The following IGSF11 variants were observed in gnomAD, a reference collection of about 807,000 sequenced individuals.
IGSF11 encodes the protein immunoglobulin superfamily member 11, also known as CXADR like 1.
IGSF11 carries 22 observed loss-of-function variants against 41.0 expected under a neutral mutation model. That is an observed-to-expected ratio of 0.54 (90% CI 0.38 to 0.77). The LOEUF is 0.77. Ranked by LOEUF, IGSF11 falls within the 30% of genes least tolerant of loss-of-function variation. IGSF11 has a pLI of 0.00. For synonymous variants in IGSF11, 219 were observed against 201.3 expected (o/e 1.09, Z -0.74); for missense variants, 444 against 530.8 (o/e 0.84, Z 1.61).
At chr3:118,964,645 G>A (rs1247712369) in intron 1 of IGSF11, among the ~76,000 whole-genome samples, 1 of 152,056 alleles carries the variant, frequency 6.6e-6, no homozygotes, top group African/African-American at 2.4e-5. Context: ...AATGAAAATT[G>A]TTTTAAATTC....
intron 1 of IGSF11, among the ~76,000 whole-genome samples, chr3:119,003,410 C>T (rs9756994): frequency 2.0e-5 from 3 of 149,056 alleles, no homozygotes; most frequent in African/African-American, 7.6e-5. Context: ...ACAATCATGT[C>T]GTCTGCAAAC....
At chr3:119,126,713 A>C (rs1423452281) in intron 1 of IGSF11, among the ~76,000 whole-genome samples, 1 of 152,170 alleles carries the variant, frequency 6.6e-6, no homozygotes, top group Non-Finnish European at 1.5e-5. Flanking sequence ...TGACATCTCC[A>C]GGCACGGGAG....
chr3:119,131,027 A>G (rs535037073), intron 1 of IGSF11, among the ~76,000 whole-genome samples: 1 of 152,272 alleles, frequency 6.6e-6, no homozygotes, highest in African/African-American at 2.4e-5. Flanking sequence ...AAAAATCCTC[A>G]CCAAAACCTC....
chr3:118,948,029 G>T (rs982690803), intron 1 of IGSF11: 3 of 151,966 alleles, frequency 2.0e-5, no homozygotes, highest in South Asian at 2.1e-4. Context: ...CTAAACATAC[G>T]CAAATTCTAT....
intron 1 of IGSF11, among the ~76,000 whole-genome samples, chr3:119,092,389 G>A (rs2076778300): frequency 6.6e-6 from 1 of 151,944 alleles, no homozygotes; most frequent in Non-Finnish European, 1.5e-5. Context: ...CAGGCTGAGT[G>A]CAGTGGCGCA....
At chr3:119,085,011 G>A (rs1442354100) in intron 1 of IGSF11, among the ~76,000 whole-genome samples, 2 of 152,166 alleles carry the variant, frequency 1.3e-5, no homozygotes, top group African/African-American at 4.8e-5. Context: ...TCCAATAAGG[G>A]TGTGGCCTAT....
chr3:119,054,310 C>G (rs781357518), intron 1 of IGSF11, among the ~76,000 whole-genome samples: 5 of 152,052 alleles, frequency 3.3e-5, no homozygotes, highest in Admixed American at 1.3e-4. Context: ...TATCTAGAAT[C>G]TACAAGGAAT....
chr3:119,053,918 AG>A (rs1326268331), intron 1 of IGSF11, among the ~76,000 whole-genome samples: 8 of 152,218 alleles, frequency 5.3e-5, no homozygotes, highest in African/African-American at 1.9e-4. Flanking sequence ...AAGTGGGGAA[AG>A]GACCCCCTAT....
At chr3:119,046,495 G>C (rs1370061844) in intron 1 of IGSF11, among the ~76,000 whole-genome samples, 2 of 152,112 alleles carry the variant, frequency 1.3e-5, no homozygotes, top group Admixed American at 1.3e-4. Flanking sequence ...GGGACTATGT[G>C]AAAAGACCAA....
rs1010210567 is a variant in IGSF11 at position 118,903,326 on chromosome 3, A to T, written c.855-365T>A. On this transcript the variant is annotated intron_variant, in intron 6 of 6. Coordinates refer to ENST00000393775, the MANE Select transcript of IGSF11 (RefSeq NM_001015887.3). Reference sequence around the variant, plus strand: ...ATATATAACAAATCTTGCTTTATATATATAGTAAATATTTAGTATCTTGCT... The same window carrying T: ...ATATATAACAAATCTTGCTTTATATTTATAGTAAATATTTAGTATCTTGCT... 2.6e-5 allele frequency among the ~76,000 whole-genome samples: 4 copies of T among 151,956 alleles called. 1 individual carries two copies.
intron 1 of IGSF11, among the ~76,000 whole-genome samples, chr3:119,033,263 C>G (rs1268539731): frequency 6.6e-6 from 1 of 151,950 alleles, no homozygotes; most frequent in African/African-American, 2.4e-5. Context: ...GAGCTGTGTC[C>G]AAGGATTGCA....
intron 1 of IGSF11, among the ~76,000 whole-genome samples, chr3:118,994,605 T>G (rs1576582946): frequency 6.6e-6 from 1 of 152,086 alleles, no homozygotes; most frequent in African/African-American, 2.4e-5. Flanking sequence ...CTGCAGTGAT[T>G]CAAGATCGCA....
At chr3:118,913,765 T>C (rs761053814) in intron 4 of IGSF11, among the ~76,000 whole-genome samples, 1 of 152,074 alleles carries the variant, frequency 6.6e-6, no homozygotes, top group Non-Finnish European at 1.5e-5. Context: ...AAAACCGTAA[T>C]GTATACGTAA....
intron 1 of IGSF11, chr3:119,112,926 C>G (rs542417256): frequency 9.8e-5 from 15 of 152,514 alleles, no homozygotes; most frequent in African/African-American, 3.6e-4. Context: ...CCTCAGGAAA[C>G]TTACAATCAT....
At chr3:118,927,801 T>C (rs1942459916) in intron 3 of IGSF11, among the ~76,000 whole-genome samples, 2 of 152,278 alleles carry the variant, frequency 1.3e-5, no homozygotes, top group East Asian at 3.9e-4. Flanking sequence ...TATTTTATAT[T>C]AGAGACAGAA....
intron 1 of IGSF11, among the ~76,000 whole-genome samples, chr3:119,015,027 C>CTGTTT (rs1938538128): frequency 6.6e-6 from 1 of 150,850 alleles, no homozygotes; most frequent in Non-Finnish European, 1.5e-5. Flanking sequence ...ATAAACAGTT[C>CTGTTT]AAACAGAACA....
intron 1 of IGSF11, among the ~76,000 whole-genome samples, chr3:119,079,586 G>A (rs1459630927): frequency 1.3e-5 from 2 of 152,130 alleles, no homozygotes; most frequent in African/African-American, 4.8e-5. Context: ...GTGTACATGT[G>A]TGTTCATTGC....
At chr3:119,055,286 G>GAATGC (rs1185730578) in intron 1 of IGSF11, among the ~76,000 whole-genome samples, 1 of 151,976 alleles carries the variant, frequency 6.6e-6, no homozygotes, top group African/African-American at 2.4e-5. Context: ...TCCTCCAAAG[G>GAATGC]AATGCAGCTT....
intron 1 of IGSF11, among the ~76,000 whole-genome samples, chr3:118,996,064 G>A (rs139911113): frequency 3.3e-5 from 5 of 152,312 alleles, no homozygotes; most frequent in African/African-American, 9.6e-5. Context: ...GATTACAGGC[G>A]TGAGCCACCA....
Sources: gnomAD v4.1 joint callset for allele counts (sites outside exome capture counted in the v4.1 genomes callset) on GRCh38, gnomAD v4.1.1 for gene constraint, MANE v1.5 for transcripts, NCBI Gene and HGNC (gene_info 2026-07-23, HGNC 2026-07-21) for gene names.